The following CLEC9A variants were observed in gnomAD, a reference collection of about 807,000 sequenced individuals.
CLEC9A encodes the protein C-type lectin domain family 9 member A.
Under a neutral mutation model 30.0 loss-of-function variants are expected in CLEC9A, and 24 were observed. That is an observed-to-expected ratio of 0.80 (90% CI 0.58 to 1.13). CLEC9A has a LOEUF of 1.13. Among genes scored for constraint, CLEC9A ranks in the 50% most tolerant of loss-of-function variants. The pLI, the probability that CLEC9A is intolerant of heterozygous loss-of-function variation, is 0.00. For synonymous variants in CLEC9A, 111 were observed against 96.8 expected, an observed-to-expected ratio of 1.15 and a Z score of -0.86; for missense variants, 251 against 280.9, an observed-to-expected ratio of 0.89 and a Z score of 0.76.
In CLEC9A at chr12:10,052,625, A is replaced by T. The variant is rs77511737; in HGVS notation, c.-58-5A>T. The T allele has an allele frequency of 3.8e-3, 5,981 of 1,592,412 alleles. 206 individuals carry two copies. The African/African-American group carries it at 0.072, about 19-fold the overall frequency. ...TTCTTACACCAACCTGCTCCAAACC[A>T]CAAGAGGAGTTACTTGTTCCAGCCT... is the stretch of plus-strand genomic sequence containing the variant. On this transcript the variant is annotated splice_region_variant and splice_polypyrimidine_tract_variant and intron_variant, in intron 3 of 8. Coordinates refer to ENST00000355819, the MANE Select transcript of CLEC9A (RefSeq NM_207345.4).
intron 2 of CLEC9A, among the ~76,000 whole-genome samples, chr12:10,048,408 A>G (rs1351609635): frequency 6.6e-6 from 1 of 151,888 alleles, no homozygotes; most frequent in African/African-American, 2.4e-5. Flanking sequence ...TTGTGGCATC[A>G]ATTCATTCTT....
At chr12:10,047,268 A>T (rs141158248) in intron 2 of CLEC9A, among the ~76,000 whole-genome samples, 1 of 152,218 alleles carries the variant, frequency 6.6e-6, no homozygotes, top group Non-Finnish European at 1.5e-5. Context: ...AAAATTAGCC[A>T]TAACTTTGGC....
chr12:10,035,091 C>T (rs890111850), intron 1 of CLEC9A, among the ~76,000 whole-genome samples: 4 of 152,210 alleles, frequency 2.6e-5, no homozygotes, highest in Non-Finnish European at 4.4e-5. Flanking sequence ...CTGATTGTCC[C>T]GGCCAAACTC....
At chr12:10,040,046 C>T (rs916656208) in intron 1 of CLEC9A, among the ~76,000 whole-genome samples, 3 of 152,218 alleles carry the variant, frequency 2.0e-5, no homozygotes, top group Admixed American at 2.0e-4. Context: ...TGGTCTCGAA[C>T]TCCTGGCCTC....
intron 7 of CLEC9A, 83 bp downstream of exon 7, chr12:10,063,289 A>G (rs1282714735): frequency 1.6e-6 from 2 of 1,270,002 alleles, no homozygotes; most frequent in African/African-American, 3.1e-5. Context: ...CATAAGACAA[A>G]ATTCCTTAAT....
At chr12:10,042,128 T>C (rs542203375) in intron 2 of CLEC9A, among the ~76,000 whole-genome samples, 2 of 152,248 alleles carry the variant, frequency 1.3e-5, no homozygotes, top group Non-Finnish European at 2.9e-5. Flanking sequence ...GTTTAAAGAT[T>C]TATAACTAAA....
At chr12:10,047,082 CAATA>C (rs1277963414) in intron 2 of CLEC9A, among the ~76,000 whole-genome samples, 2 of 152,076 alleles carry the variant, frequency 1.3e-5, no homozygotes, top group African/African-American at 2.4e-5. Context: ...TCTAGACTAT[CAATA>C]AACAAGCAGA....
chr12:10,032,389 CTTTTTT>C (rs10647036), intron 1 of CLEC9A, among the ~76,000 whole-genome samples: 1 of 117,252 alleles, frequency 8.5e-6, no homozygotes, highest in South Asian at 2.7e-4. Flanking sequence ...TTAGGGATTT[CTTTTTT>C]TTTTTTTTTT....
At chr12:10,048,366 GAAAA>G (rs35035367) in intron 2 of CLEC9A, among the ~76,000 whole-genome samples, 2 of 128,644 alleles carry the variant, frequency 1.6e-5, no homozygotes, top group Non-Finnish European at 3.3e-5. Flanking sequence ...GTGAGATTCC[GAAAA>G]AAAAAAAAAA....
intron 2 of CLEC9A, among the ~76,000 whole-genome samples, chr12:10,042,642 A>G (rs750522948): frequency 6.6e-6 from 1 of 152,218 alleles, no homozygotes; most frequent in Non-Finnish European, 1.5e-5. Flanking sequence ...ATAACATACT[A>G]TACAGTATAG....
At chr12:10,050,972 A>G (rs1176371641) in intron 2 of CLEC9A, among the ~76,000 whole-genome samples, 1 of 152,184 alleles carries the variant, frequency 6.6e-6, no homozygotes, top group African/African-American at 2.4e-5. Context: ...TGGGAGGCCG[A>G]GGAAGGCGGA....
At chr12:10,055,814 T>C (rs1396834427) in intron 5 of CLEC9A, among the ~76,000 whole-genome samples, 4 of 151,960 alleles carry the variant, frequency 2.6e-5, no homozygotes, top group Admixed American at 2.6e-4. Context: ...CCCAGCACTT[T>C]GGGAGGCCGA....
chr12:10,055,123 A>G (rs1427221797), intron 5 of CLEC9A, among the ~76,000 whole-genome samples: 1 of 152,184 alleles, frequency 6.6e-6, no homozygotes, highest in Non-Finnish European at 1.5e-5. Flanking sequence ...TTTTTAGAGG[A>G]ACGTTTTAAG....
At chr12:10,032,838 T>A (rs1865712131) in intron 1 of CLEC9A, among the ~76,000 whole-genome samples, 1 of 152,198 alleles carries the variant, frequency 6.6e-6, no homozygotes, top group Non-Finnish European at 1.5e-5. Context: ...ATCTTTTGTT[T>A]ACCATGCCCC....
intron 1 of CLEC9A, among the ~76,000 whole-genome samples, chr12:10,034,809 G>C (rs891358289): frequency 6.6e-6 from 1 of 152,206 alleles, no homozygotes; most frequent in Non-Finnish European, 1.5e-5. Flanking sequence ...TGAAGCCCCA[G>C]TGGGCGTGTG....
intron 5 of CLEC9A, among the ~76,000 whole-genome samples, chr12:10,057,973 T>A (rs1045384818): frequency 3.1e-4 from 47 of 152,190 alleles, no homozygotes; most frequent in Admixed American, 2.4e-3. Context: ...AATAATTTTA[T>A]TTGGGGGACG....
chr12:10,031,879 G>T (rs920641992), intron 1 of CLEC9A, among the ~76,000 whole-genome samples: 1 of 152,070 alleles, frequency 6.6e-6, no homozygotes, highest in African/African-American at 2.4e-5. Flanking sequence ...GGAAGGATTG[G>T]CAGGGTTACA....
At chr12:10,034,672 C>A (rs979871675) in intron 1 of CLEC9A, among the ~76,000 whole-genome samples, 2 of 152,122 alleles carry the variant, frequency 1.3e-5, no homozygotes, top group African/African-American at 4.8e-5. Flanking sequence ...TTCTCTTGTC[C>A]CCCTAGCAGA....
At chr12:10,039,097 G>A (rs1450719448) in intron 1 of CLEC9A, among the ~76,000 whole-genome samples, 1 of 152,224 alleles carries the variant, frequency 6.6e-6, no homozygotes, top group Non-Finnish European at 1.5e-5. Context: ...CCTGCTCCTT[G>A]ATGTCTTTAT....
Sources: allele counts gnomAD v4.1 joint callset (sites outside exome capture counted in the v4.1 genomes callset), GRCh38; gene constraint gnomAD v4.1.1; transcripts MANE v1.5; gene names NCBI Gene and HGNC (gene_info 2026-07-23, HGNC 2026-07-21).